GPLD1: variants seen among roughly 807,000 people sequenced by gnomAD.
GPLD1 encodes glycosylphosphatidylinositol specific phospholipase D1, also known as phosphatidylinositol-glycan-specific phospholipase D.
A neutral mutation model predicts 112.6 loss-of-function variants in GPLD1; 84 were observed. The observed-to-expected ratio is 0.75, with a 90% CI of 0.63 to 0.89. The LOEUF is 0.89. Ranked by LOEUF, GPLD1 falls within the 40% of genes least tolerant of loss-of-function variation. GPLD1 has a pLI of 0.00. For synonymous variants in GPLD1, 386 were observed against 403.8 expected (o/e 0.96, Z 0.53); for missense variants, 1,044 against 1,051.5 (o/e 0.99, Z 0.10).
At chr6:24,494,765 A>C in intron 1 of GPLD1, 16 of 377,230 alleles carry the variant, frequency 4.2e-5, no homozygotes, top group Non-Finnish European at 4.0e-5. Context: ...AGGTCGCGCC[A>C]GGAGAGAAGC....
Position 24,447,892 on chromosome 6 carries a change from T to C in GPLD1, c.1663A>G (p.Ser555Gly), listed in dbSNP as rs781004895. 14 of 1,613,904 alleles carry C rather than the reference T, an allele frequency of 8.7e-6. No individual in the cohort carries two copies. The highest frequency in any genetic ancestry group is 1.2e-5 in the Non-Finnish European group (14 of 1,180,012). The change falls in exon 17 of 25, where the codon AGC becomes GGC. Residue 555 changes from serine to glycine, a missense_variant. Coordinates refer to ENST00000230036, the MANE Select transcript of GPLD1 (RefSeq NM_001503.4). ...CAGGCACTACCTTTGTCGCTCAGGC[T>C]GGGGCCAGAATAAAACGCAGCCACA... Reference protein sequence around the residue: ...GIVAAFYSGPSLSDKEKLNVE... With the variant: ...GIVAAFYSGPGLSDKEKLNVE...
chr6:24,429,465 G>A (rs1011803822), intron 24 of GPLD1, among the ~76,000 whole-genome samples: 9 of 152,160 alleles, frequency 5.9e-5, no homozygotes, highest in African/African-American at 1.7e-4. Context: ...TGTGTTTAGC[G>A]TACCTCCCAC....
At chr6:24,486,583 G>C (rs958500136) in intron 1 of GPLD1, among the ~76,000 whole-genome samples, 1 of 152,164 alleles carries the variant, frequency 6.6e-6, no homozygotes, top group Non-Finnish European at 1.5e-5. Flanking sequence ...TTGGGAGGCC[G>C]AGGAGGGCGG....
At chr6:24,486,273 G>A in intron 1 of GPLD1, 143 bp from the exon 2 acceptor site, 1 of 632,890 alleles carries the variant, frequency 1.6e-6, no homozygotes, top group Non-Finnish European at 2.8e-6. Context: ...TGCACTCACT[G>A]GCAATTTTCA....
chr6:24,440,446 A>T (rs1438450265), intron 20 of GPLD1, among the ~76,000 whole-genome samples: 1 of 152,098 alleles, frequency 6.6e-6, no homozygotes, highest in Non-Finnish European at 1.5e-5. Context: ...CCTATGGCTT[A>T]AAAAGAAAAA....
intron 2 of GPLD1, among the ~76,000 whole-genome samples, chr6:24,483,450 G>C (rs950849868): frequency 2.0e-5 from 3 of 151,696 alleles, no homozygotes; most frequent in Non-Finnish European, 4.4e-5. Context: ...AGGCTGCGGC[G>C]GGTGGATCAC....
intron 20 of GPLD1, among the ~76,000 whole-genome samples, chr6:24,443,280 T>C (rs371747476): frequency 6.6e-6 from 1 of 152,202 alleles, no homozygotes; most frequent in South Asian, 2.1e-4. Context: ...GCTCCCGAGC[T>C]TCCACAGCCC....
At chr6:24,432,777 C>T (rs114488365) in intron 24 of GPLD1, among the ~76,000 whole-genome samples, 4,505 of 152,296 alleles carry the variant, frequency 0.03, 94 homozygotes, top group South Asian at 0.049. Context: ...GCCACGGCAG[C>T]ACGACAGCAG....
At chr6:24,447,046 G>A (rs1026245190) in intron 17 of GPLD1, 67 bp from the exon 18 acceptor site, 8 of 1,450,404 alleles carry the variant, frequency 5.5e-6, no homozygotes, top group Non-Finnish European at 7.6e-6. Context: ...TGAAAAGAAA[G>A]GGTCCTTCTC....
chr6:24,472,464 C>T, intron 7 of GPLD1, 118 bp downstream of exon 7: 1 of 609,488 alleles, frequency 1.6e-6, no homozygotes, highest in Non-Finnish European at 2.9e-6. Context: ...TTTTACTTTT[C>T]AAAATTTACC....
At position 24,460,329 on chromosome 6, in the gene GPLD1, T is replaced by C. The variant is rs149706557; in HGVS notation, c.958A>G (p.Ile320Val). The change falls in exon 12 of 25, where the codon ATA (isoleucine) becomes GTA (valine). Residue 320 changes from isoleucine to valine, a missense_variant. Coordinates refer to ENST00000230036, the MANE Select transcript of GPLD1 (RefSeq NM_001503.4). ...TSLTESVDRN[I>V]NYTERGVFFS... is the part of the protein sequence containing the mutation. ...AACACTCCTCTTTCAGTATAGTTTA[T>C]ATTCCTGTCAACACTTTCAGTTAGG... 6.2e-7 allele frequency: 1 copy of C among 1,613,290 alleles called. No individual in the cohort carries two copies. The highest frequency in any genetic ancestry group is 8.5e-7 in the Non-Finnish European group (1 of 1,179,192).
At chr6:24,456,391 G>T in intron 13 of GPLD1, 107 bp downstream of exon 13, 1 of 785,840 alleles carries the variant, frequency 1.3e-6, no homozygotes, top group Non-Finnish European at 2.0e-6. Context: ...GTGAGACTCT[G>T]TCTCAAAAAT....
rs1402676230 is a variant in GPLD1, at chr6:24,428,004, G to A, written c.*1028C>T. 6.6e-6 allele frequency among the ~76,000 whole-genome samples: 1 copy of A among 152,102 alleles called. No homozygotes were observed. Among genetic ancestry groups the A allele is most frequent in the Non-Finnish European group, 1.5e-5 (1 of 68,012 alleles). On this transcript the variant is annotated 3_prime_UTR_variant, in exon 25 of 25. Coordinates refer to ENST00000230036, the MANE Select transcript of GPLD1 (RefSeq NM_001503.4). ...AACACACACTGGGGTCTACTTGAGT[G>A]GGGAAGGTGGGAGGAACAGAAAAGA...
In GPLD1 at chr6:24,454,018, G is replaced by A. The variant is rs1763182598; in HGVS notation, c.1332C>T (p.Phe444=). 1.9e-6 allele frequency: 3 copies of A among 1,604,776 alleles called. No homozygotes were observed. Among genetic ancestry groups the A allele is most frequent in the Non-Finnish European group, 2.6e-6 (3 of 1,173,334 alleles). ...DKEAHRILEG[F]QPSGRFGSAL... ...AAAGGATGAGATGGTGTCTCACCTG[G>A]AAGCCTTCAAGGATCCTGTGGGCCT... Residue 444 remains phenylalanine (F), a synonymous_variant, in exon 14 of 25, where the codon TTC becomes TTT. Transcript: ENST00000230036.
At chr6:24,450,541 A>C (rs556184692) in intron 14 of GPLD1, among the ~76,000 whole-genome samples, 1 of 152,322 alleles carries the variant, frequency 6.6e-6, no homozygotes, top group East Asian at 1.9e-4. Context: ...CTAAAATAAT[A>C]ATCATATAAC....
chr6:24,474,877 T>C (rs953688036), intron 5 of GPLD1, among the ~76,000 whole-genome samples: 1 of 151,352 alleles, frequency 6.6e-6, no homozygotes, highest in Middle Eastern at 3.4e-3. Flanking sequence ...GAGTTGGAGG[T>C]TGCAGTGAGC....
In GPLD1 at chr6:24,446,935, C is replaced by T; in HGVS notation, c.1723G>A (p.Glu575Lys). The T allele has an allele frequency of 1.9e-6, 3 of 1,613,916 alleles. No individual in the cohort carries two copies. The highest frequency in any genetic ancestry group is 2.5e-6 in the Non-Finnish European group (3 of 1,179,926). The change falls in exon 18 of 25, where the codon GAA becomes AAA. Residue 575 changes from glutamate to lysine, a missense_variant. Physicochemically the swap from Glu to Lys is moderately conservative, Grantham distance 56. Coordinates refer to ENST00000230036, the MANE Select transcript of GPLD1 (RefSeq NM_001503.4). ...EAANWTVRGE[E>K]DFSWFGYSLH... ...GAATATCCAAACCAGGAGAAGTCTT[C>T]CTCGCCTCTCACCGTCCAGTTGGCT...
chr6:24,491,676 C>A (rs941074298), upstream of GPLD1, among the ~76,000 whole-genome samples: 1 of 152,002 alleles, frequency 6.6e-6, no homozygotes, highest in African/African-American at 2.4e-5. Context: ...CCACTGCACT[C>A]CAGCCTGGGC....
chr6:24,430,190 C>T (rs1014983860), intron 24 of GPLD1, among the ~76,000 whole-genome samples: 8 of 152,212 alleles, frequency 5.3e-5, no homozygotes, highest in Admixed American at 1.3e-4. Context: ...TTTATTCTCC[C>T]TCTCTTTCCC....
Sources: allele counts gnomAD v4.1 joint callset (sites outside exome capture counted in the v4.1 genomes callset), GRCh38; gene constraint gnomAD v4.1.1; transcripts MANE v1.5; gene names NCBI Gene and HGNC (gene_info 2026-07-23, HGNC 2026-07-21).